ZSCAN25: variants seen among roughly 807,000 people sequenced by gnomAD.
The protein encoded by ZSCAN25 is zinc finger and SCAN domain containing 25.
Under a neutral mutation model 38.7 loss-of-function variants are expected in ZSCAN25, and 27 were observed. The ratio of observed to expected loss-of-function variants is 0.70; its 90% confidence interval spans 0.51 to 0.96. ZSCAN25 has a LOEUF of 0.96. Ranked by LOEUF, ZSCAN25 falls within the 40% of genes least tolerant of loss-of-function variation. The pLI, the probability that ZSCAN25 is intolerant of heterozygous loss-of-function variation, is 0.00. For missense variants in ZSCAN25, 637 were observed against 705.9 expected, an observed-to-expected ratio of 0.90 and a Z score of 1.11; for synonymous variants, 273 against 277.7, an observed-to-expected ratio of 0.98 and a Z score of 0.17.
the ZSCAN25 span, chr7:99,722,347 C>G: frequency 1.9e-6 from 3 of 1,613,402 alleles, no homozygotes; most frequent in Non-Finnish European, 2.5e-6. Flanking sequence ...CGTCCAATAG[C>G]CCTGGGAGGA....
Position 99,629,129 on chromosome 7 carries a change from T to G in ZSCAN25, c.806-62T>G. ...GAATGGGACCCCTGTGAAGCAGAGT[T>G]CTAACATGTAAATGTCCTGCGGCTA... On this transcript the variant is annotated intron_variant, in intron 7 of 7. Transcript: ENST00000394152. The surrounding 1 kb of genome is among the most constrained non-coding windows in gnomAD (Gnocchi z 5.6). 1 of 1,526,344 alleles carries G rather than the reference T, an allele frequency of 6.6e-7. No homozygotes were observed. The allele number at this position is 1,526,344 out of a possible 1,614,324, so 94.6% of individuals were successfully genotyped here. A position where few individuals can be genotyped will look rare whatever the true frequency, so the allele number is the denominator to read the frequency against.
the ZSCAN25 span, chr7:99,735,163 G>A: frequency 1.3e-6 from 2 of 1,595,006 alleles, no homozygotes; most frequent in African/African-American, 2.7e-5. Flanking sequence ...TTGCTGGGCT[G>A]TGTGTGTGGA....
Position 99,629,115 on chromosome 7 carries a change from CTGTGAAGCAGAGTTCTAACA to C in ZSCAN25, c.806-72_806-53del. ...AGAGAAGGAACCATGAATGGGACCCCTGTGAAGCAGAGTTCTAACATGTAAATGTCCTGCGGCTACCACAG... is the reference window on the plus strand; with the variant it reads ...AGAGAAGGAACCATGAATGGGACCCCTGTAAATGTCCTGCGGCTACCACAG... On this transcript the variant is annotated intron_variant, in intron 7 of 7. Coordinates refer to ENST00000394152, the MANE Select transcript of ZSCAN25 (RefSeq NM_145115.3). This position sits in a 1 kb window ranked among gnomAD's most constrained non-coding sequence, Gnocchi z 5.6. The C allele has an allele frequency of 6.6e-7, 1 of 1,508,752 alleles. No homozygotes were observed. Among genetic ancestry groups the C allele is most frequent in the Non-Finnish European group, 8.9e-7 (1 of 1,128,850 alleles). 93.5% of individuals were successfully genotyped at this position (1,508,752 alleles called of 1,614,324 possible).
chr7:99,685,290 C>T, the ZSCAN25 span: 2 of 1,607,234 alleles, frequency 1.2e-6, no homozygotes, highest in Non-Finnish European at 8.5e-7. Flanking sequence ...AAATTAGAAA[C>T]TGTAGCATCA....
At chr7:99,721,729 C>G in the ZSCAN25 span, among the ~76,000 whole-genome samples, 1 of 148,384 alleles carries the variant, frequency 6.7e-6, no homozygotes, top group Admixed American at 6.7e-5. Context: ...TTGTGAGAAC[C>G]AAAATTATGA....
the ZSCAN25 span, among the ~76,000 whole-genome samples, chr7:99,699,487 G>T: frequency 6.6e-6 from 1 of 152,000 alleles, no homozygotes; most frequent in Non-Finnish European, 1.5e-5. Context: ...GAACCACCAG[G>T]TCCACAGAGG....
the ZSCAN25 span, among the ~76,000 whole-genome samples, chr7:99,681,777 T>C: frequency 2.7e-4 from 41 of 152,336 alleles, no homozygotes; most frequent in African/African-American, 9.4e-4. Context: ...ACTTTGTTGA[T>C]TGCTTTCTTT....
the ZSCAN25 span, chr7:99,674,343 C>G: frequency 2.1e-6 from 1 of 468,532 alleles, no homozygotes; most frequent in Non-Finnish European, 3.8e-6. Context: ...TAGTTTATAA[C>G]GGCAAGCAGA....
At chr7:99,632,989 GT>G (rs751799800), downstream of ZSCAN25, among the ~76,000 whole-genome samples, 97 of 128,530 alleles carry the variant, frequency 7.5e-4, no homozygotes, top group Admixed American at 8.9e-4. Context: ...ATTTTCTGTT[GT>G]TTTTTTTTTT....
chr7:99,627,130 T>C (rs757149300), intron 7 of ZSCAN25, among the ~76,000 whole-genome samples: 4 of 152,240 alleles, frequency 2.6e-5, no homozygotes, highest in Non-Finnish European at 5.9e-5. Context: ...AGCTGTATAA[T>C]GTGTGTTTTG....
At chr7:99,669,866 G>A in the ZSCAN25 span, among the ~76,000 whole-genome samples, 1 of 152,136 alleles carries the variant, frequency 6.6e-6, no homozygotes, top group Non-Finnish European at 1.5e-5. Context: ...CCCTGGCGAT[G>A]GTAGGTAAAA....
At chr7:99,728,066 G>A in the ZSCAN25 span, among the ~76,000 whole-genome samples, 1 of 152,100 alleles carries the variant, frequency 6.6e-6, no homozygotes, top group African/African-American at 2.4e-5. Context: ...GTCCCTCATG[G>A]CCAGTTTTTC....
the ZSCAN25 span, chr7:99,660,077 C>T: frequency 2.3e-6 from 1 of 442,834 alleles, no homozygotes; most frequent in Non-Finnish European, 3.0e-6. Flanking sequence ...CTGTCCTGCA[C>T]CCACTCTCCA....
the ZSCAN25 span, among the ~76,000 whole-genome samples, chr7:99,698,474 T>C: frequency 6.6e-6 from 1 of 152,158 alleles, no homozygotes; most frequent in Non-Finnish European, 1.5e-5. Flanking sequence ...TTTGCTATCA[T>C]CACTAGCTCA....
At chr7:99,663,294 A>T in the ZSCAN25 span, 3 of 995,080 alleles carry the variant, frequency 3.0e-6, no homozygotes, top group East Asian at 1.1e-4. Flanking sequence ...TCCAGAACTC[A>T]TCAGCAGCTT....
chr7:99,710,873 G>T, the ZSCAN25 span: 3 of 1,613,750 alleles, frequency 1.9e-6, no homozygotes, highest in East Asian at 6.7e-5. Context: ...ATTGGGCCAT[G>T]AGCTCCAGAT....
chr7:99,710,791 T>C, the ZSCAN25 span: 1 of 1,613,804 alleles, frequency 6.2e-7, no homozygotes. Flanking sequence ...TCAGGGTGAG[T>C]GGCCAGTTCA....
the ZSCAN25 span, among the ~76,000 whole-genome samples, chr7:99,721,970 G>A: frequency 6.6e-6 from 1 of 152,152 alleles, no homozygotes; most frequent in Non-Finnish European, 1.5e-5. Context: ...TCCAACCTTG[G>A]TGTGGCATCA....
the ZSCAN25 span, among the ~76,000 whole-genome samples, chr7:99,718,046 T>C: frequency 4.6e-4 from 70 of 151,932 alleles, no homozygotes; most frequent in African/African-American, 1.6e-3. Context: ...GGTGCCTTGA[T>C]GTGGTAGATT....
Sources: allele counts gnomAD v4.1 joint callset (sites outside exome capture counted in the v4.1 genomes callset), GRCh38; gene constraint gnomAD v4.1.1; non-coding constraint Gnocchi (gnomAD v3.1); transcripts MANE v1.5; gene names NCBI Gene and HGNC (gene_info 2026-07-23, HGNC 2026-07-21).